Variants in PCDH9 observed in about 807,000 individuals in gnomAD.
PCDH9 encodes protocadherin 9, also known as protocadherin-9.
In PCDH9, 24 loss-of-function variants were observed where a neutral mutation model predicts 70.6. The ratio of observed to expected loss-of-function variants is 0.34; its 90% confidence interval spans 0.25 to 0.48. PCDH9 has a LOEUF of 0.48. Among genes scored for constraint, PCDH9 ranks in the 20% least tolerant of loss-of-function variants. PCDH9 has a pLI of 0.99. For missense variants in PCDH9, 1,281 were observed against 1,503.6 expected (o/e 0.85, Z 2.45); for synonymous variants, 562 against 558.5 (o/e 1.01, Z -0.09).
chr13:66,898,648 C>T (rs1390141030), intron 3 of PCDH9, among the ~76,000 whole-genome samples: 5 of 151,696 alleles, frequency 3.3e-5, no homozygotes, highest in South Asian at 2.1e-4. Context: ...AAAGGTGTGT[C>T]GTATAATATT....
chr13:66,747,514 G>A (rs1032537065), intron 3 of PCDH9, among the ~76,000 whole-genome samples: 1 of 152,116 alleles, frequency 6.6e-6, no homozygotes, highest in African/African-American at 2.4e-5. Flanking sequence ...CCGTTTAAGT[G>A]TTAAATACAC....
rs574681660 is a variant in PCDH9 at position 67,187,999 on chromosome 13, T to C, written c.3036+37406A>G. On this transcript the variant is annotated intron_variant, in intron 2 of 4. Transcript: ENST00000377865. Reference sequence around the variant, plus strand: ...CCCTGTACTGTAATCATTGTGACTATAGTTGGTACCGAACACTAGATCTCA... The same window carrying C: ...CCCTGTACTGTAATCATTGTGACTACAGTTGGTACCGAACACTAGATCTCA... 5.9e-5 allele frequency among the ~76,000 whole-genome samples: 9 copies of C among 152,262 alleles called. No individual in the cohort carries two copies. In the South Asian group the frequency reaches 1.7e-3, roughly 28 times the overall value.
chr13:66,766,344 G>A lies in PCDH9; in HGVS notation c.3139-134933C>T, dbSNP rs114816642. ...AGGCTGTTCCTTGGAAAGGGTAGTG[G>A]CTAAGAGCTTTCTGGAACCTTAGGC... On this transcript the variant is annotated intron_variant, in intron 3 of 4. Coordinates refer to ENST00000377865, the MANE Select transcript of PCDH9 (RefSeq NM_203487.3). Among the ~76,000 whole-genome samples, 1,086 of 152,000 alleles carry A rather than the reference G, an allele frequency of 7.1e-3. 26 individuals are homozygous for A. Among genetic ancestry groups the A allele is most frequent in the African/African-American group, 0.025 (1,031 of 41,402 alleles).
intron 3 of PCDH9, among the ~76,000 whole-genome samples, chr13:66,851,575 T>TCA (rs59674873): frequency 0.057 from 8,387 of 146,734 alleles, 217 homozygotes; most frequent in African/African-American, 0.074. Context: ...CGCATCACCC[T>TCA]CACACACACA....
At chr13:67,210,794 T>A (rs2089452642) in intron 2 of PCDH9, 1 of 152,026 alleles carries the variant, frequency 6.6e-6, no homozygotes, top group Admixed American at 6.5e-5. Flanking sequence ...AAAATTTAAG[T>A]ACTGATTTTA....
intron 2 of PCDH9, among the ~76,000 whole-genome samples, chr13:67,156,602 A>G (rs191707141): frequency 1.3e-5 from 2 of 152,244 alleles, no homozygotes; most frequent in East Asian, 3.9e-4. Context: ...TCCACTCAAT[A>G]AAAGCTTGCA....
intron 2 of PCDH9, among the ~76,000 whole-genome samples, chr13:67,113,877 T>C (rs754305679): frequency 2.6e-5 from 4 of 152,198 alleles, no homozygotes; most frequent in Non-Finnish European, 4.4e-5. Flanking sequence ...AGAAATGCAA[T>C]CACTGAGGTG....
intron 2 of PCDH9, among the ~76,000 whole-genome samples, chr13:66,946,334 C>T (rs2083086877): frequency 6.6e-6 from 1 of 151,982 alleles, no homozygotes; most frequent in African/African-American, 2.4e-5. Context: ...ATCATACCTT[C>T]ACATTTATGA....
intron 2 of PCDH9, among the ~76,000 whole-genome samples, chr13:67,148,719 T>G (rs564760873): frequency 6.6e-6 from 1 of 152,314 alleles, no homozygotes; most frequent in East Asian, 1.9e-4. Flanking sequence ...GACATTTTTA[T>G]TAACCATTAA....
intron 4 of PCDH9, among the ~76,000 whole-genome samples, chr13:66,475,097 T>C (rs919760766): frequency 3.3e-5 from 5 of 152,084 alleles, no homozygotes; most frequent in African/African-American, 1.2e-4. Flanking sequence ...ATAAAATTTC[T>C]GAGAAAAAGG....
intron 2 of PCDH9, among the ~76,000 whole-genome samples, chr13:67,057,534 T>C (rs1054946841): frequency 4.6e-5 from 7 of 152,000 alleles, no homozygotes; most frequent in Admixed American, 6.6e-5. Flanking sequence ...ACAATAGCTA[T>C]AGTATTATCT....
At chr13:67,163,743 C>T (rs1403517910) in intron 2 of PCDH9, among the ~76,000 whole-genome samples, 1 of 152,160 alleles carries the variant, frequency 6.6e-6, no homozygotes, top group Non-Finnish European at 1.5e-5. Context: ...TATATTGAGG[C>T]TTCCAAAATG....
intron 2 of PCDH9, among the ~76,000 whole-genome samples, chr13:66,955,094 C>T (rs1050277235): frequency 3.3e-5 from 5 of 152,126 alleles, no homozygotes; most frequent in African/African-American, 9.7e-5. Context: ...CACCACCTAC[C>T]GTTGCTCAAG....
At chr13:66,897,675 C>T (rs1222352915) in intron 3 of PCDH9, among the ~76,000 whole-genome samples, 2 of 152,036 alleles carry the variant, frequency 1.3e-5, no homozygotes, top group African/African-American at 4.8e-5. Flanking sequence ...TGTAGTGTTT[C>T]TATACTACTG....
At chr13:67,111,065 C>T (rs2086650317) in intron 2 of PCDH9, among the ~76,000 whole-genome samples, 1 of 152,144 alleles carries the variant, frequency 6.6e-6, no homozygotes, top group Non-Finnish European at 1.5e-5. Flanking sequence ...GAATCTCATG[C>T]CTCTTTCCTT....
intron 2 of PCDH9, among the ~76,000 whole-genome samples, chr13:67,021,335 A>C (rs961375675): frequency 6.6e-6 from 1 of 152,234 alleles, no homozygotes; most frequent in Non-Finnish European, 1.5e-5. Context: ...CCAAGTACTC[A>C]GTAAATACTT....
chr13:66,790,779 G>C (rs922940292), intron 3 of PCDH9, among the ~76,000 whole-genome samples: 1 of 151,928 alleles, frequency 6.6e-6, no homozygotes, highest in Non-Finnish European at 1.5e-5. Context: ...CCTATGGTTG[G>C]AAATCCTTAG....
chr13:67,224,297 C>T (rs1443554778), intron 2 of PCDH9: 1 of 152,168 alleles, frequency 6.6e-6, no homozygotes, highest in Non-Finnish European at 1.5e-5. Context: ...AACTTAAATG[C>T]TAGTTGCTCC....
chr13:66,866,258 T>A (rs1388240920), intron 3 of PCDH9, among the ~76,000 whole-genome samples: 3 of 149,032 alleles, frequency 2.0e-5, no homozygotes, highest in Non-Finnish European at 4.5e-5. Context: ...CGAGGTGGGC[T>A]GATCACGAGG....
Sources: gnomAD v4.1 joint callset for allele counts (sites outside exome capture counted in the v4.1 genomes callset) on GRCh38, gnomAD v4.1.1 for gene constraint, MANE v1.5 for transcripts, NCBI Gene and HGNC (gene_info 2026-07-23, HGNC 2026-07-21) for gene names.